ROBO2: variants seen among roughly 807,000 people sequenced by gnomAD.
ROBO2 encodes roundabout homolog 2.
Under a neutral mutation model 160.8 loss-of-function variants are expected in ROBO2, and 53 were observed. The observed-to-expected ratio is 0.33, with a 90% CI of 0.26 to 0.41. The LOEUF is 0.41. Among genes scored for constraint, ROBO2 ranks in the 10% least tolerant of loss-of-function variants. ROBO2 has a pLI of 1.00. For missense variants in ROBO2, 1,577 were observed against 1,722.4 expected, an observed-to-expected ratio of 0.92 and a Z score of 1.49; for synonymous variants, 664 against 611.7, an observed-to-expected ratio of 1.09 and a Z score of -1.26.
intron 2 of ROBO2, among the ~76,000 whole-genome samples, chr3:77,456,741 C>T (rs2081680435): frequency 1.3e-5 from 2 of 152,146 alleles, no homozygotes; most frequent in African/African-American, 4.8e-5. Flanking sequence ...CACTTCATCT[C>T]AACATGGGAT....
intron 2 of ROBO2, among the ~76,000 whole-genome samples, chr3:76,883,120 C>T (rs1031831767): frequency 6.6e-6 from 1 of 152,090 alleles, no homozygotes; most frequent in African/African-American, 2.4e-5. Flanking sequence ...AAGCATTTGT[C>T]TGACATATTA....
intron 2 of ROBO2, among the ~76,000 whole-genome samples, chr3:77,178,380 G>T (rs977709694): frequency 2.6e-5 from 4 of 151,972 alleles, no homozygotes; most frequent in Non-Finnish European, 5.9e-5. Flanking sequence ...TGCCTAGATG[G>T]TTGGCTTTGT....
At chr3:77,402,205 A>G (rs1045351520) in intron 2 of ROBO2, among the ~76,000 whole-genome samples, 8 of 152,074 alleles carry the variant, frequency 5.3e-5, no homozygotes, top group Non-Finnish European at 8.8e-5. Context: ...CAAACACCAC[A>G]TGTTCTCACT....
chr3:77,100,747 A>T (rs1261305685), intron 2 of ROBO2, among the ~76,000 whole-genome samples: 1 of 152,186 alleles, frequency 6.6e-6, no homozygotes. Flanking sequence ...ACTATAATAA[A>T]TTAAATATAC....
chr3:76,979,046 G>T (rs1327120732), intron 2 of ROBO2, among the ~76,000 whole-genome samples: 1 of 151,834 alleles, frequency 6.6e-6, no homozygotes, highest in African/African-American at 2.4e-5. Context: ...GAGCTGAAAT[G>T]ATCCCCCCAT....
intron 2 of ROBO2, among the ~76,000 whole-genome samples, chr3:77,186,947 A>G (rs2150905347): frequency 6.6e-6 from 1 of 152,116 alleles, no homozygotes; most frequent in African/African-American, 2.4e-5. Flanking sequence ...ATTATAACTC[A>G]CACTTGCGGT....
At chr3:77,290,994 G>A (rs946820938) in intron 2 of ROBO2, among the ~76,000 whole-genome samples, 8 of 148,978 alleles carry the variant, frequency 5.4e-5, no homozygotes, top group South Asian at 4.4e-4. Context: ...ACGGTTAAAC[G>A]GGTAAGCTGA....
chr3:76,761,850 T>G (rs747002459), intron 2 of ROBO2, among the ~76,000 whole-genome samples: 11 of 151,716 alleles, frequency 7.3e-5, no homozygotes, highest in Non-Finnish European at 1.2e-4. Context: ...CATGTGAGGA[T>G]AGAAAGGTTT....
intron 2 of ROBO2, among the ~76,000 whole-genome samples, chr3:76,328,926 A>G (rs1378687670): frequency 1.4e-5 from 2 of 147,660 alleles, no homozygotes; most frequent in East Asian, 2.0e-4. Flanking sequence ...ATATATATAT[A>G]TATATGTTAT....
chr3:77,141,588 G>A (rs1194653266), intron 2 of ROBO2, among the ~76,000 whole-genome samples: 2 of 152,140 alleles, frequency 1.3e-5, no homozygotes, highest in Admixed American at 6.5e-5. Flanking sequence ...TGCAATTTCT[G>A]GATTTATGAC....
intron 2 of ROBO2, among the ~76,000 whole-genome samples, chr3:77,110,364 A>G (rs914478005): frequency 9.2e-5 from 14 of 152,152 alleles, no homozygotes; most frequent in African/African-American, 2.7e-4. Context: ...TTTCATTGCT[A>G]TATGTATTTG....
intron 2 of ROBO2, among the ~76,000 whole-genome samples, chr3:76,612,269 C>T (rs566051994): frequency 6.6e-6 from 1 of 152,156 alleles, no homozygotes; most frequent in Non-Finnish European, 1.5e-5. Context: ...CCATTGGGTC[C>T]ATTGGGTCTA....
At chr3:77,131,304 T>C (rs1464993696) in intron 2 of ROBO2, among the ~76,000 whole-genome samples, 1 of 152,332 alleles carries the variant, frequency 6.6e-6, no homozygotes, top group Admixed American at 6.5e-5. Context: ...AAAAAGGCTA[T>C]GTATAGGCAG....
chr3:76,268,361 G>C (rs1707225095), intron 2 of ROBO2, among the ~76,000 whole-genome samples: 1 of 152,070 alleles, frequency 6.6e-6, no homozygotes, highest in African/African-American at 2.4e-5. Flanking sequence ...AGTTAACCTG[G>C]GCTGTCATAA....
chr3:77,274,886 T>A (rs2059729895), intron 2 of ROBO2, among the ~76,000 whole-genome samples: 1 of 152,104 alleles, frequency 6.6e-6, no homozygotes, highest in Admixed American at 6.6e-5. Context: ...AGAGGTTTTT[T>A]AAAGACTGAT....
chr3:77,071,774 C>T (rs374420154), intron 1 of ROBO2, among the ~76,000 whole-genome samples: 1 of 152,142 alleles, frequency 6.6e-6, no homozygotes, highest in East Asian at 1.9e-4. Flanking sequence ...AAAGGGATTG[C>T]GCATAATCAA....
chr3:76,624,565 G>T (rs950215860), intron 2 of ROBO2, among the ~76,000 whole-genome samples: 6 of 151,946 alleles, frequency 3.9e-5, no homozygotes, highest in Admixed American at 6.6e-5. Context: ...TTGGAAAGCC[G>T]AGGCGGGCGG....
At chr3:77,382,961 T>C (rs1408243893) in intron 2 of ROBO2, among the ~76,000 whole-genome samples, 1 of 152,238 alleles carries the variant, frequency 6.6e-6, no homozygotes, top group African/African-American at 2.4e-5. Flanking sequence ...TTTTTTTTAA[T>C]GACAGAGAAC....
chr3:76,510,029 T>C (rs1247586690), intron 2 of ROBO2, among the ~76,000 whole-genome samples: 1 of 152,052 alleles, frequency 6.6e-6, no homozygotes, highest in Non-Finnish European at 1.5e-5. Flanking sequence ...CATGCCCAGA[T>C]TCCCTAAACA....
Sources: gnomAD v4.1 joint callset for allele counts (sites outside exome capture counted in the v4.1 genomes callset) on GRCh38, gnomAD v4.1.1 for gene constraint, MANE v1.5 for transcripts, NCBI Gene and HGNC (gene_info 2026-07-23, HGNC 2026-07-21) for gene names.